The following STAT1 variants were observed in gnomAD, a reference collection of about 807,000 sequenced individuals.
STAT1 encodes the protein signal transducer and activator of transcription 1-alpha/beta.
A neutral mutation model predicts 111.7 loss-of-function variants in STAT1; 24 were observed. The ratio of observed to expected loss-of-function variants is 0.21; its 90% CI spans 0.16 to 0.30. The LOEUF (loss-of-function observed/expected upper bound fraction) is 0.30. Ranked by LOEUF, STAT1 falls within the 10% of genes least tolerant of loss-of-function variation. STAT1 has a pLI of 1.00. For missense variants in STAT1, 351 were observed against 911.9 expected (o/e 0.38, Z 7.92); for synonymous variants, 332 against 326.5 (o/e 1.02, Z -0.18).
At position 190,983,018 on chromosome 2, in the gene STAT1, G is replaced by T. The variant is rs1439180146; in HGVS notation, c.1447-500C>A. 6.6e-6 allele frequency among the ~76,000 whole-genome samples: 1 copy of T among 152,184 alleles called. No individual in the cohort carries two copies. Among genetic ancestry groups the T allele is most frequent in the Non-Finnish European group, 1.5e-5 (1 of 68,024 alleles). On this transcript the variant is annotated intron_variant, in intron 17 of 24. Coordinates refer to ENST00000361099, the MANE Select transcript of STAT1 (RefSeq NM_007315.4). The surrounding 1 kb of genome is among the most constrained non-coding windows in gnomAD (Gnocchi z 5.7). Reference sequence around the variant, plus strand: ...ACTGTTCCTAAGCATGGGAAGGCTGGGATGTGCCTTATGGAGAAAATACAT... The same window carrying T: ...ACTGTTCCTAAGCATGGGAAGGCTGTGATGTGCCTTATGGAGAAAATACAT...
In STAT1 at chr2:190,970,807, T is replaced by C; in HGVS notation, c.2239-90A>G. The C allele has an allele frequency of 7.8e-7, 1 of 1,285,670 alleles. No homozygotes were observed. The highest frequency in any genetic ancestry group is 1.7e-5 in the Admixed American group (1 of 59,142). 79.6% of individuals were successfully genotyped at this position (1,285,670 alleles called of 1,614,324 possible). Reference sequence around the variant, plus strand: ...TAAACATTGCTTGTCTATTCTAGAATGAAGTAGTAGGAAGATACTTGCAAT... The same window carrying C: ...TAAACATTGCTTGTCTATTCTAGAACGAAGTAGTAGGAAGATACTTGCAAT... On this transcript the variant is annotated intron_variant, in intron 24 of 24. Coordinates refer to ENST00000361099, the MANE Select transcript of STAT1 (RefSeq NM_007315.4). This position sits in a 1 kb window ranked among gnomAD's most constrained non-coding sequence, Gnocchi z 5.4.
chr2:191,005,265 A>T (rs1559023328), intron 5 of STAT1, among the ~76,000 whole-genome samples: 1 of 152,212 alleles, frequency 6.6e-6, no homozygotes, highest in Non-Finnish European at 1.5e-5. Flanking sequence ...TCTAGTCCCC[A>T]AATGGGATTA....
chr2:191,009,818 A>T, intron 3 of STAT1, 58 bp downstream of exon 3: 1 of 1,606,522 alleles, frequency 6.2e-7, no homozygotes, highest in African/African-American at 1.3e-5. Context: ...CAAGTCACTT[A>T]ATCAACCAGT....
rs145998939 is a variant in STAT1, at chr2:191,007,826, C to T, written c.274-165G>A. ...TGTTAAAATCAAAATATTTCTTTCA[C>T]GAATTATGACAAAAATTGCTTTAAC... is the stretch of plus-strand genomic sequence containing the variant. On this transcript the variant is annotated intron_variant, in intron 4 of 24. Transcript: ENST00000361099. The surrounding 1 kb of genome is among the most constrained non-coding windows in gnomAD (Gnocchi z 4.2). Among the ~76,000 whole-genome samples the T allele has an allele frequency of 5.9e-5, 9 of 152,118 alleles. No individual in the cohort carries two copies. Among genetic ancestry groups the T allele is most frequent in the South Asian group, 2.1e-4 (1 of 4,834 alleles).
intron 2 of STAT1, chr2:191,010,295 A>T: frequency 2.0e-6 from 1 of 488,066 alleles, no homozygotes; most frequent in Non-Finnish European, 4.2e-6. Context: ...ACCACCTCCC[A>T]CCCTGGAAAC....
rs1692428614 is a variant in STAT1, at chr2:190,981,994, C to T, written c.1582+389G>A. 6.6e-6 allele frequency among the ~76,000 whole-genome samples: 1 copy of T among 152,220 alleles called. No individual in the cohort carries two copies. The highest frequency in any genetic ancestry group is 2.4e-5 in the African/African-American group (1 of 41,458). ...GGGTTTATGCTGCAGTGGGCAAGCC[C>T]CAGGACTTTATTTCTCATCATGTCA... On this transcript the variant is annotated intron_variant, in intron 18 of 24. Coordinates refer to ENST00000361099, the MANE Select transcript of STAT1 (RefSeq NM_007315.4). The surrounding 1 kb of genome is among the most constrained non-coding windows in gnomAD (Gnocchi z 4.1).
Position 190,984,307 on chromosome 2 carries a change from T to C in STAT1, c.1347+3A>G, listed in dbSNP as rs1574645914. 1 of 1,612,072 alleles carries C rather than the reference T, an allele frequency of 6.2e-7. No individual in the cohort carries two copies. Among genetic ancestry groups the C allele is most frequent in the Non-Finnish European group, 8.5e-7 (1 of 1,178,100 alleles). On this transcript the variant is annotated splice_donor_region_variant and intron_variant, in intron 16 of 24. Transcript: ENST00000361099. This position sits in a 1 kb window ranked among gnomAD's most constrained non-coding sequence, Gnocchi z 5.2. ...TTCCAACTCGGGACCATAAAAGTCT[T>C]ACCTCGAGGTCAATTACCAAACCAG...
chr2:191,009,825 C>G, intron 3 of STAT1, 51 bp downstream of exon 3: 1 of 1,609,820 alleles, frequency 6.2e-7, no homozygotes, highest in Non-Finnish European at 8.5e-7. Context: ...CTTAATCAAC[C>G]AGTACTTTTA....
At chr2:190,994,253 G>A (rs550301784) in intron 10 of STAT1, among the ~76,000 whole-genome samples, 10 of 152,300 alleles carry the variant, frequency 6.6e-5, no homozygotes, top group Admixed American at 2.6e-4. Context: ...GGGCGTGTGT[G>A]GACGTGAAGC....
Position 190,982,378 on chromosome 2 carries a change from T to C in STAT1, c.1582+5A>G. ...TATAAACATAACAAGTTAATATGCATATACCAAGAAGCTTCTCTCCCAACA... is the reference window on the plus strand; with the variant it reads ...TATAAACATAACAAGTTAATATGCACATACCAAGAAGCTTCTCTCCCAACA... On this transcript the variant is annotated splice_donor_5th_base_variant and intron_variant, in intron 18 of 24. Coordinates refer to ENST00000361099, the MANE Select transcript of STAT1 (RefSeq NM_007315.4). The surrounding 1 kb of genome is among the most constrained non-coding windows in gnomAD (Gnocchi z 7.3). 1 of 1,614,166 alleles carries C rather than the reference T, an allele frequency of 6.2e-7. No individual in the cohort carries two copies. The highest frequency in any genetic ancestry group is 8.5e-7 in the Non-Finnish European group (1 of 1,180,000).
chr2:190,999,559 C>T lies in STAT1; in HGVS notation c.541+67G>A. On this transcript the variant is annotated intron_variant, in intron 7 of 24. Coordinates refer to ENST00000361099, the MANE Select transcript of STAT1 (RefSeq NM_007315.4). The surrounding 1 kb of genome is among the most constrained non-coding windows in gnomAD (Gnocchi z 4.1). ...TCGGCAAATAGAAAGGAGTAATCAT[C>T]TTCGTTATCTAGTGTGAACAGAAAA... The T allele has an allele frequency of 9.2e-7, 1 of 1,081,928 alleles. No homozygotes were observed. Among genetic ancestry groups the T allele is most frequent in the Non-Finnish European group, 1.4e-6 (1 of 696,202 alleles). 67.0% of individuals were successfully genotyped at this position (1,081,928 alleles called of 1,614,324 possible). A position where few individuals can be genotyped will look rare whatever the true frequency, so the allele number is the denominator to read the frequency against.
At chr2:190,985,803 G>C (rs1443691729) in intron 14 of STAT1, 143 bp from the exon 15 acceptor site, 1 of 922,528 alleles carries the variant, frequency 1.1e-6, no homozygotes, top group Non-Finnish European at 1.7e-6. Flanking sequence ...GGACAAATTG[G>C]CCCTCGTTCA....
In STAT1 at chr2:190,999,803, A is replaced by C. The variant is rs1314359105; in HGVS notation, c.463-99T>G. 2 of 802,872 alleles carry C rather than the reference A, an allele frequency of 2.5e-6. No homozygotes were observed. Among genetic ancestry groups the C allele is most frequent in the Non-Finnish European group, 4.3e-6 (2 of 468,814 alleles). The allele number at this position is 802,872 out of a possible 1,614,324, so 49.7% of individuals were successfully genotyped here. Reference sequence around the variant, plus strand: ...TCTATGGAACCCAGAGAAACACGAAAACAATTCCATCTCCCCCAAAAAGAG... The same window carrying C: ...TCTATGGAACCCAGAGAAACACGAACACAATTCCATCTCCCCCAAAAAGAG... On this transcript the variant is annotated intron_variant, in intron 6 of 24. Coordinates refer to ENST00000361099, the MANE Select transcript of STAT1 (RefSeq NM_007315.4). This position sits in a 1 kb window ranked among gnomAD's most constrained non-coding sequence, Gnocchi z 4.1.
rs1474187706 is a variant in STAT1 at position 190,983,238 on chromosome 2, C to G, written c.1446+404G>C. Reference sequence around the variant, plus strand: ...CCTAGCCTCGTAGTTCCCTTAGGAGCAACAATTCATTATTTGCTAGTTAAG... The same window carrying G: ...CCTAGCCTCGTAGTTCCCTTAGGAGGAACAATTCATTATTTGCTAGTTAAG... On this transcript the variant is annotated intron_variant, in intron 17 of 24. Coordinates refer to ENST00000361099, the MANE Select transcript of STAT1 (RefSeq NM_007315.4). This position sits in a 1 kb window ranked among gnomAD's most constrained non-coding sequence, Gnocchi z 5.7. Among the ~76,000 whole-genome samples, 1 of 152,126 alleles carries G rather than the reference C, an allele frequency of 6.6e-6. No individual in the cohort carries two copies. Among genetic ancestry groups the G allele is most frequent in the African/African-American group, 2.4e-5 (1 of 41,404 alleles).
rs1694542245 is a variant in STAT1, at chr2:191,004,621, T to G, written c.372+2942A>C. On this transcript the variant is annotated intron_variant, in intron 5 of 24. Coordinates refer to ENST00000361099, the MANE Select transcript of STAT1 (RefSeq NM_007315.4). The surrounding 1 kb of genome is among the most constrained non-coding windows in gnomAD (Gnocchi z 5.0). ...ACCTACTTCTCATTAGCTCTGTGGC[T>G]CTGAGTGAAGTACCTGACCTCTAAA... Among the ~76,000 whole-genome samples the G allele has an allele frequency of 6.6e-6, 1 of 152,250 alleles. No individual in the cohort carries two copies. Among genetic ancestry groups the G allele is most frequent in the Admixed American group, 6.5e-5 (1 of 15,286 alleles).
rs61756198 is a variant in STAT1 at position 190,995,141 on chromosome 2, G to A, written c.864C>T (p.Thr288=). ...TTTTTGTGATAGGGTCATGTTCGTA[G>A]GTGTATTTCTGTTCCAATTCCTCCA... ...KKLEELEQKY[T]YEHDPITKNK... The change falls in exon 10 of 25, where the codon ACC becomes ACT. Residue 288 remains threonine (T), a synonymous_variant. Transcript: ENST00000361099. The surrounding 1 kb of genome is among the most constrained non-coding windows in gnomAD (Gnocchi z 4.2). 9.2e-5 allele frequency: 149 copies of A among 1,613,846 alleles called. No homozygotes were observed. The highest frequency in any genetic ancestry group is 1.7e-4 in the Admixed American group (10 of 59,982).
In STAT1 at chr2:190,976,714, C is replaced by T; in HGVS notation, c.2059+126G>A. On this transcript the variant is annotated intron_variant, in intron 22 of 24. Coordinates refer to ENST00000361099, the MANE Select transcript of STAT1 (RefSeq NM_007315.4). The surrounding 1 kb of genome is among the most constrained non-coding windows in gnomAD (Gnocchi z 6.0). ...ATGTTTCACCTGCACTGAGTTTATG[C>T]CATCTTTTGAAAGCCTACTCTTACC... 1.2e-6 allele frequency: 1 copy of T among 802,208 alleles called. No individual in the cohort carries two copies. 49.7% of individuals were successfully genotyped at this position (802,208 alleles called of 1,614,324 possible).
In STAT1 at chr2:191,007,581, G is replaced by A. The variant is rs45463799; in HGVS notation, c.354C>T (p.Asn118=). 1,691 of 1,613,122 alleles carry A rather than the reference G, an allele frequency of 1.0e-3. 35 individuals are homozygous for A. The East Asian group carries it at 0.033, about 31-fold the overall frequency. Residue 118 remains asparagine (N), a synonymous_variant, in exon 5 of 25, where the codon AAC becomes AAT. Coordinates refer to ENST00000361099, the MANE Select transcript of STAT1 (RefSeq NM_007315.4). This position sits in a 1 kb window ranked among gnomAD's most constrained non-coding sequence, Gnocchi z 4.2. ...AAAGTACCTGATTAAATCTCTGGGC[G>A]TTTTCCAGAATTTTCCTTTCTTCCT... is the stretch of plus-strand genomic sequence containing the variant. The part of the protein sequence containing the change: ...CLKEERKILE[N]AQRFNQAQSG...
rs1691702782 is a variant in STAT1 at position 190,973,985 on chromosome 2, C to T, written c.2238+845G>A. Among the ~76,000 whole-genome samples, 1 of 152,124 alleles carries T rather than the reference C, an allele frequency of 6.6e-6. No homozygotes were observed. The highest frequency in any genetic ancestry group is 2.4e-5 in the African/African-American group (1 of 41,422). On this transcript the variant is annotated intron_variant, in intron 24 of 24. Coordinates refer to ENST00000361099, the MANE Select transcript of STAT1 (RefSeq NM_007315.4). This position sits in a 1 kb window ranked among gnomAD's most constrained non-coding sequence, Gnocchi z 4.4. ...CCTTCCTCTCTTTGTTGAGCACCTACTTTTTGCCAGGCACCGGGTATACAG... is the reference window on the plus strand; with the variant it reads ...CCTTCCTCTCTTTGTTGAGCACCTATTTTTTGCCAGGCACCGGGTATACAG...
Sources: allele counts gnomAD v4.1 joint callset (sites outside exome capture counted in the v4.1 genomes callset), GRCh38; gene constraint gnomAD v4.1.1; non-coding constraint Gnocchi (gnomAD v3.1); transcripts MANE v1.5; gene names NCBI Gene and HGNC (gene_info 2026-07-23, HGNC 2026-07-21).